NDUFV2: variants seen among roughly 807,000 people sequenced by gnomAD.
NDUFV2 encodes the protein NADH dehydrogenase [ubiquinone] flavoprotein 2, mitochondrial.
NDUFV2 carries 18 observed loss-of-function variants against 31.6 expected under a neutral mutation model. That is an observed-to-expected ratio of 0.57 (90% CI 0.39 to 0.84). The LOEUF (loss-of-function observed/expected upper bound fraction) is 0.84. Among genes scored for constraint, NDUFV2 ranks in the 40% least tolerant of loss-of-function variants. The pLI, the probability that NDUFV2 is intolerant of heterozygous loss-of-function variation, is 0.00. For missense variants in NDUFV2, 314 were observed against 303.6 expected (o/e 1.03, Z -0.26); for synonymous variants, 83 against 99.8 (o/e 0.83, Z 1.01).
intron 4 of NDUFV2, among the ~76,000 whole-genome samples, chr18:9,120,743 T>C (rs563012532): frequency 6.6e-6 from 1 of 152,324 alleles, no homozygotes; most frequent in East Asian, 1.9e-4. Flanking sequence ...TAGGTGGTTA[T>C]TTCTTCGATA....
At chr18:9,104,373 T>C in intron 1 of NDUFV2, 1 of 1,381,882 alleles carries the variant, frequency 7.2e-7, no homozygotes, top group Non-Finnish European at 9.9e-7. Context: ...GTTTCTGTTT[T>C]GGATAGGTCA....
rs538842328 is a variant in NDUFV2, at chr18:9,106,080, G to C, written c.54+3283G>C. 1.2e-4 allele frequency among the ~76,000 whole-genome samples: 18 copies of C among 152,258 alleles called. No homozygotes were observed. The South Asian group carries it at 3.1e-3, about 26-fold the overall frequency. ...CCTTGTGGGCAGCAGATCAAATATT[G>C]GTTCCGTTCTTTTAGCTAGGCTCCT... On this transcript the variant is annotated intron_variant, in intron 1 of 7. Coordinates refer to ENST00000318388, the MANE Select transcript of NDUFV2 (RefSeq NM_021074.5).
intron 1 of NDUFV2, among the ~76,000 whole-genome samples, chr18:9,116,425 A>G (rs1349561603): frequency 6.6e-6 from 1 of 152,190 alleles, no homozygotes; most frequent in Non-Finnish European, 1.5e-5. Flanking sequence ...TTACTCAAAA[A>G]TTGTTACTCG....
chr18:9,123,819 C>T (rs1438437813), intron 5 of NDUFV2, among the ~76,000 whole-genome samples: 1 of 152,132 alleles, frequency 6.6e-6, no homozygotes, highest in Non-Finnish European at 1.5e-5. Context: ...CAAACAGTTA[C>T]TTTGATGTAC....
chr18:9,109,513 GAGT>G (rs1362926401), intron 1 of NDUFV2, among the ~76,000 whole-genome samples: 1 of 152,214 alleles, frequency 6.6e-6, no homozygotes, highest in Non-Finnish European at 1.5e-5. Flanking sequence ...TTCAGAAAAA[GAGT>G]AGAGCCCATG....
intron 4 of NDUFV2, among the ~76,000 whole-genome samples, chr18:9,120,000 T>C (rs1305137619): frequency 6.6e-6 from 1 of 152,164 alleles, no homozygotes; most frequent in Non-Finnish European, 1.5e-5. Flanking sequence ...GGCTGTAGGC[T>C]GTAAGAAAAA....
intron 7 of NDUFV2, among the ~76,000 whole-genome samples, chr18:9,129,415 C>T (rs2143093275): frequency 6.6e-6 from 1 of 152,162 alleles, no homozygotes; most frequent in South Asian, 2.1e-4. Flanking sequence ...TTTTGAGTGC[C>T]TGCTGTGTGT....
At chr18:9,125,517 T>C (rs769407263) in intron 6 of NDUFV2, among the ~76,000 whole-genome samples, 5 of 151,860 alleles carry the variant, frequency 3.3e-5, no homozygotes, top group Non-Finnish European at 5.9e-5. Flanking sequence ...TTGCAGTCTT[T>C]TTTGTTTTTG....
chr18:9,133,878 G>C (rs1029109882), intron 7 of NDUFV2, among the ~76,000 whole-genome samples: 7 of 152,206 alleles, frequency 4.6e-5, no homozygotes, highest in African/African-American at 1.4e-4. Flanking sequence ...AATAAAGCCA[G>C]TATCACTTGT....
At chr18:9,104,207 C>T (rs746591919) in intron 1 of NDUFV2, 2 of 1,593,212 alleles carry the variant, frequency 1.3e-6, no homozygotes, top group Admixed American at 1.7e-5. Context: ...GTATGAGAAG[C>T]CACCCTCTGC....
chr18:9,104,262 G>T (rs990825654), intron 1 of NDUFV2: 16 of 1,612,300 alleles, frequency 9.9e-6, no homozygotes, highest in Non-Finnish European at 1.4e-5. Context: ...GGGAGAGACA[G>T]GGGCCAGATA....
intron 1 of NDUFV2, among the ~76,000 whole-genome samples, chr18:9,105,188 A>C (rs1363173483): frequency 6.6e-6 from 1 of 152,234 alleles, no homozygotes; most frequent in African/African-American, 2.4e-5. Context: ...GTACAAGAAA[A>C]GTCTACCTAA....
Position 9,134,333 on chromosome 18 carries a change from C to A in NDUFV2, c.*54C>A. On this transcript the variant is annotated 3_prime_UTR_variant, in exon 8 of 8. Coordinates refer to ENST00000318388, the MANE Select transcript of NDUFV2 (RefSeq NM_021074.5). ...GAGAAATAAAATATGGACTTCCAAT[C>A]TACGTAAACTTATTTGTTTATTCTG... The A allele has an allele frequency of 7.6e-7, 1 of 1,313,690 alleles. No homozygotes were observed. Among genetic ancestry groups the A allele is most frequent in the Non-Finnish European group, 1.1e-6 (1 of 910,456 alleles). 81.4% of individuals were successfully genotyped at this position (1,313,690 alleles called of 1,614,324 possible).
chr18:9,104,873 A>G, intron 1 of NDUFV2: 1 of 1,451,746 alleles, frequency 6.9e-7, no homozygotes. Flanking sequence ...AGCTCAAAAA[A>G]TAAAAATCAT....
At chr18:9,124,452 T>C (rs1417618620) in intron 5 of NDUFV2, among the ~76,000 whole-genome samples, 1 of 148,924 alleles carries the variant, frequency 6.7e-6, no homozygotes, top group East Asian at 2.0e-4. Flanking sequence ...AAAAACTTTT[T>C]TTTTTTTTTT....
rs1463123522 is a variant in NDUFV2 at position 9,119,389 on chromosome 18, G to A, written c.183+1G>A. The A allele has an allele frequency of 6.2e-7, 1 of 1,608,538 alleles. No homozygotes were observed. The highest frequency in any genetic ancestry group is 8.5e-7 in the Non-Finnish European group (1 of 1,175,254). On this transcript the variant is annotated splice_donor_variant, in intron 3 of 7. Transcript: ENST00000318388. LOFTEE classifies it high-confidence loss of function. ...TGATTTCACACCAGAAAACTATAAG[G>A]TATGGCTAAATTAACATTATAATTA...
At chr18:9,110,529 G>C (rs2077864791) in intron 1 of NDUFV2, among the ~76,000 whole-genome samples, 1 of 151,932 alleles carries the variant, frequency 6.6e-6, no homozygotes, top group Admixed American at 6.6e-5. Flanking sequence ...ACTTTTTTGA[G>C]ACAGGGTCTC....
rs150012052 is a variant in NDUFV2, at chr18:9,133,064, A to G, written c.657-1122A>G. On this transcript the variant is annotated intron_variant, in intron 7 of 7. Coordinates refer to ENST00000318388, the MANE Select transcript of NDUFV2 (RefSeq NM_021074.5). The stretch of plus-strand genomic sequence containing the variant: ...TATTAACTAAGTTCTGACTTTGTAG[A>G]TAATTGTTCATTACTTAGTAACTTG... Among the ~76,000 whole-genome samples, 224 of 152,294 alleles carry G rather than the reference A, an allele frequency of 1.5e-3. 2 individuals carry two copies. Among genetic ancestry groups the G allele is most frequent in the South Asian group, 0.012 (60 of 4,828 alleles).
intron 5 of NDUFV2, among the ~76,000 whole-genome samples, chr18:9,124,427 ATTTT>A (rs2077968772): frequency 7.5e-6 from 1 of 132,572 alleles, no homozygotes; most frequent in Non-Finnish European, 1.6e-5. Context: ...CTGGCCTAGG[ATTTT>A]TTTCTTTTTA....
Sources: allele counts gnomAD v4.1 joint callset (sites outside exome capture counted in the v4.1 genomes callset), GRCh38; gene constraint gnomAD v4.1.1; transcripts MANE v1.5; gene names NCBI Gene and HGNC (gene_info 2026-07-23, HGNC 2026-07-21).